The following DNAH17 variants were observed in gnomAD, a reference collection of about 807,000 sequenced individuals.
The protein encoded by DNAH17 is axonemal beta dynein heavy chain 17.
Under a neutral mutation model 485.6 loss-of-function variants are expected in DNAH17, and 376 were observed. That is an observed-to-expected ratio of 0.77 (90% CI 0.71 to 0.84). DNAH17 has a LOEUF of 0.84. DNAH17 is among the 40% of genes least tolerant of loss of function. The pLI is 0.00. For synonymous variants in DNAH17, 3,031 were observed against 2,405.9 expected, an observed-to-expected ratio of 1.26 and a Z score of -7.60; for missense variants, 6,370 against 5,839.3, an observed-to-expected ratio of 1.09 and a Z score of -2.96.
At chr17:78,438,313 G>A (rs1208317028) in intron 73 of DNAH17, among the ~76,000 whole-genome samples, 1 of 148,442 alleles carries the variant, frequency 6.7e-6, no homozygotes, top group South Asian at 2.2e-4. Flanking sequence ...GTGAGAAGGG[G>A]TCTTGGATGG....
intron 79 of DNAH17, 46 bp from the exon 80 acceptor site, chr17:78,425,617 A>C (rs1178113734): frequency 1.3e-6 from 2 of 1,523,652 alleles, no homozygotes; most frequent in South Asian, 2.5e-5. Context: ...ATAGAATGAC[A>C]TGGGAACGAC....
chr17:78,519,706 C>A (rs2090886158), intron 25 of DNAH17, among the ~76,000 whole-genome samples: 3 of 152,172 alleles, frequency 2.0e-5, no homozygotes, highest in Non-Finnish European at 2.9e-5. Context: ...ACCAATTCCT[C>A]AAAAACCACA....
Position 78,425,379 on chromosome 17 carries a change from C to G in DNAH17, c.13108G>C (p.Glu4370Gln). The change falls in exon 80 of 81, where the codon GAG becomes CAG. Residue 4370 changes from glutamate (E) to glutamine (Q), a missense_variant. By Grantham distance (29) the Glu-to-Gln change is conservative. Transcript: ENST00000389840. ...NREDMTAPPR[E>Q]GSYVYGLFME... ...AAGAGTCCGTACACGTAGGAGCCCT[C>G]TCGCGGAGGAGCGGTCATGTCCTCT... 6.2e-7 allele frequency: 1 copy of G among 1,614,028 alleles called. No individual in the cohort carries two copies. The highest frequency in any genetic ancestry group is 1.7e-5 in the Admixed American group (1 of 60,014).
At chr17:78,558,328 G>A in intron 13 of DNAH17, 74 bp from the exon 14 acceptor site, 6 of 1,538,372 alleles carry the variant, frequency 3.9e-6, no homozygotes, top group Non-Finnish European at 1.8e-6. Context: ...CAACAGAAAT[G>A]AGCATCTGCC....
intron 14 of DNAH17, among the ~76,000 whole-genome samples, chr17:78,556,066 C>A (rs992677841): frequency 6.6e-6 from 1 of 152,178 alleles, no homozygotes; most frequent in African/African-American, 2.4e-5. Context: ...AATAAATCTC[C>A]ATATATACAT....
chr17:78,431,630 T>TGA lies in DNAH17; in HGVS notation c.12226-2331_12226-2330insTC, dbSNP rs2086678962. Among the ~76,000 whole-genome samples, 6 of 152,246 alleles carry TGA rather than the reference T, an allele frequency of 3.9e-5. No individual in the cohort carries two copies. The South Asian group carries it at 1.2e-3, about 32-fold the overall frequency. Reference sequence around the variant, plus strand: ...AAACAGGCCGTGGACACAGATGACATCATTCCCGGTGGTCACTCAGCGTGT... The same window carrying TGA: ...AAACAGGCCGTGGACACAGATGACATGACATTCCCGGTGGTCACTCAGCGTGT... On this transcript the variant is annotated intron_variant, in intron 75 of 80. Transcript: ENST00000389840.
chr17:78,432,786 G>T (rs769386101), intron 75 of DNAH17, among the ~76,000 whole-genome samples: 3 of 152,012 alleles, frequency 2.0e-5, no homozygotes, highest in Non-Finnish European at 4.4e-5. Flanking sequence ...GCCAGGCCAG[G>T]CTTCCCTCAT....
At chr17:78,545,427 G>A (rs1368752212) in intron 16 of DNAH17, among the ~76,000 whole-genome samples, 1 of 152,134 alleles carries the variant, frequency 6.6e-6, no homozygotes, top group Non-Finnish European at 1.5e-5. Flanking sequence ...TGAGATCAAG[G>A]TGCCGGCATG....
At chr17:78,498,910 A>G (rs1265356941) in intron 37 of DNAH17, 98 bp downstream of exon 37, 1 of 918,464 alleles carries the variant, frequency 1.1e-6, no homozygotes, top group East Asian at 2.9e-5. Context: ...GGAACGTTGC[A>G]GAGAGGCAAG....
Position 78,495,937 on chromosome 17 carries a change from G to A in DNAH17, c.5841C>T (p.Ile1947=), listed in dbSNP as rs769311147. 2 of 1,614,002 alleles carry A rather than the reference G, an allele frequency of 1.2e-6. No individual in the cohort carries two copies. The highest frequency in any genetic ancestry group is 8.5e-7 in the Non-Finnish European group (1 of 1,179,886). The change falls in exon 38 of 81, where the codon ATC becomes ATT. Residue 1947 remains isoleucine, a synonymous_variant. Transcript: ENST00000389840. ...IGLIPTVGIF[I]TMNPGYAGRA... is the part of the protein sequence containing the mutation. ...GTCCGGCGTACCCAGGGTTCATGGT[G>A]ATGAAGATACCGACGGTGGGAATGA...
At chr17:78,441,498 G>A (rs1029070669) in intron 71 of DNAH17, among the ~76,000 whole-genome samples, 19 of 152,172 alleles carry the variant, frequency 1.2e-4, no homozygotes, top group African/African-American at 4.6e-4. Flanking sequence ...TCAACTGCGG[G>A]GGGTGGGGGC....
intron 25 of DNAH17, chr17:78,522,891 T>A: frequency 6.1e-6 from 1 of 165,054 alleles, no homozygotes; most frequent in South Asian, 1.6e-4. Flanking sequence ...TTCACTCTTA[T>A]AGCCCAGGCT....
At chr17:78,505,519 G>GA (rs2090458887) in intron 30 of DNAH17, 74 bp from the exon 31 acceptor site, 1 of 1,597,426 alleles carries the variant, frequency 6.3e-7, no homozygotes, top group African/African-American at 1.3e-5. Context: ...GGCTTTCCGT[G>GA]GGTGGTTTTA....
intron 70 of DNAH17, 98 bp downstream of exon 70, chr17:78,445,460 G>A (rs938829062): frequency 9.6e-6 from 14 of 1,463,456 alleles, no homozygotes; most frequent in Admixed American, 2.3e-5. Flanking sequence ...ATGGGCCACA[G>A]AGCCTGGTAT....
chr17:78,428,265 C>G, intron 77 of DNAH17: 2 of 523,526 alleles, frequency 3.8e-6, no homozygotes, highest in Non-Finnish European at 7.0e-6. Context: ...CTGGGATGCT[C>G]TTGGAGCCGC....
At chr17:78,468,511 C>T (rs2146565447) in intron 55 of DNAH17, 106 bp downstream of exon 55, 2 of 1,381,756 alleles carry the variant, frequency 1.4e-6, no homozygotes, top group East Asian at 5.0e-5. Flanking sequence ...TTTCACATCC[C>T]ATGAAGGATC....
intron 11 of DNAH17, 25 bp from the exon 12 acceptor site, chr17:78,562,005 T>G (rs1343251570): frequency 6.5e-7 from 1 of 1,545,488 alleles, no homozygotes; most frequent in Non-Finnish European, 8.7e-7. Flanking sequence ...GAAGGGGGCC[T>G]CTTCACCACA....
At chr17:78,575,191 C>T in intron 1 of DNAH17, 109 bp from the exon 2 acceptor site, 1 of 799,046 alleles carries the variant, frequency 1.3e-6, no homozygotes, top group South Asian at 1.9e-5. Flanking sequence ...AGGAACAAAA[C>T]AGTTGGTCGA....
Position 78,571,584 on chromosome 17 carries a change from C to A in DNAH17, c.732+6G>T. The A allele has an allele frequency of 1.9e-6, 3 of 1,613,706 alleles. No homozygotes were observed. The highest frequency in any genetic ancestry group is 2.5e-6 in the Non-Finnish European group (3 of 1,179,782). On this transcript the variant is annotated splice_donor_region_variant and intron_variant, in intron 4 of 80. Transcript: ENST00000389840. ...CTGCAGCCCCACAGGAGAGAGGAGG[C>A]CGTACCTGTTCATGGATGCACTTGA... is the stretch of plus-strand genomic sequence containing the variant.
Sources: gnomAD v4.1 joint callset for allele counts (sites outside exome capture counted in the v4.1 genomes callset) on GRCh38, gnomAD v4.1.1 for gene constraint, MANE v1.5 for transcripts, NCBI Gene and HGNC (gene_info 2026-07-23, HGNC 2026-07-21) for gene names.